The following ESRRG variants were observed in gnomAD, a reference collection of about 807,000 sequenced individuals.
ESRRG encodes the protein estrogen related receptor gamma.
ESRRG carries 13 observed loss-of-function variants against 44.0 expected under a neutral mutation model. That is an observed-to-expected ratio of 0.30 (90% CI 0.19 to 0.47). The LOEUF is 0.47. Among genes scored for constraint, ESRRG ranks in the 20% least tolerant of loss-of-function variants. The pLI is 1.00. For missense variants in ESRRG, 395 were observed against 580.6 expected (o/e 0.68, Z 3.29); for synonymous variants, 215 against 214.6 (o/e 1.00, Z -0.02).
At chr1:216,605,622 A>C (rs1361021257) in intron 3 of ESRRG, among the ~76,000 whole-genome samples, 1 of 152,190 alleles carries the variant, frequency 6.6e-6, no homozygotes, top group African/African-American at 2.4e-5. Flanking sequence ...ATTATACAAG[A>C]TTAAGGTAAT....
At chr1:217,071,443 G>A (rs1218970337) in intron 1 of ESRRG, among the ~76,000 whole-genome samples, 5 of 152,100 alleles carry the variant, frequency 3.3e-5, no homozygotes, top group African/African-American at 7.2e-5. Flanking sequence ...GTATAAGATA[G>A]GGGTAAAAAT....
At chr1:216,661,111 T>C (rs1196936002) in intron 2 of ESRRG, among the ~76,000 whole-genome samples, 1 of 152,196 alleles carries the variant, frequency 6.6e-6, no homozygotes, top group Non-Finnish European at 1.5e-5. Context: ...TCAATGTTTT[T>C]AGTTCTGATA....
chr1:217,114,119 C>T (rs547815143), intron 1 of ESRRG, among the ~76,000 whole-genome samples: 24 of 151,852 alleles, frequency 1.6e-4, no homozygotes, highest in Middle Eastern at 3.4e-3. Context: ...AAAGTAAAAA[C>T]TATTAAGATT....
chr1:216,538,061 C>G lies in ESRRG; in HGVS notation c.863-18640G>C. On this transcript the variant is annotated intron_variant, in intron 5 of 6. Transcript: ENST00000408911. ...CCAAACATATCTGAAATATTTTTCT[C>G]TAAGTATTTCTTTAATAACCTCAAA... is the stretch of plus-strand genomic sequence containing the variant. Among the ~76,000 whole-genome samples the G allele has an allele frequency of 2.0e-5, 3 of 152,106 alleles. No homozygotes were observed. In the Middle Eastern group the frequency reaches 0.01, roughly 517 times the overall value.
At chr1:217,041,324 T>C (rs2083823261) in intron 1 of ESRRG, among the ~76,000 whole-genome samples, 1 of 152,196 alleles carries the variant, frequency 6.6e-6, no homozygotes, top group Non-Finnish European at 1.5e-5. Context: ...ATTCTTCTGA[T>C]ACAAGACAGC....
intron 2 of ESRRG, among the ~76,000 whole-genome samples, chr1:216,821,058 T>C (rs1415333041): frequency 6.6e-6 from 1 of 152,164 alleles, no homozygotes; most frequent in Non-Finnish European, 1.5e-5. Flanking sequence ...TTCAGCTGCA[T>C]GTGTGTTAAT....
chr1:216,628,224 T>G (rs1384443946), intron 3 of ESRRG, among the ~76,000 whole-genome samples: 2 of 152,202 alleles, frequency 1.3e-5, no homozygotes, highest in African/African-American at 4.8e-5. Flanking sequence ...TTGAACCTGA[T>G]AGGATCCAAT....
intron 2 of ESRRG, among the ~76,000 whole-genome samples, chr1:216,794,287 A>G (rs990556773): frequency 3.3e-5 from 5 of 152,190 alleles, no homozygotes; most frequent in Non-Finnish European, 2.9e-5. Flanking sequence ...ACTCATTATG[A>G]GTTGGGGAAA....
At chr1:217,097,097 C>G (rs143864893) in intron 1 of ESRRG, among the ~76,000 whole-genome samples, 5 of 152,094 alleles carry the variant, frequency 3.3e-5, no homozygotes, top group African/African-American at 1.2e-4. Flanking sequence ...CACCTGTAGT[C>G]CCAGCTACTC....
intron 1 of ESRRG, among the ~76,000 whole-genome samples, chr1:216,689,145 C>T (rs1230146233): frequency 2.0e-5 from 3 of 152,088 alleles, no homozygotes; most frequent in African/African-American, 7.2e-5. Flanking sequence ...AAACTATGCT[C>T]AGTAAAGATT....
At chr1:217,043,731 T>C (rs566382440) in intron 1 of ESRRG, among the ~76,000 whole-genome samples, 1 of 152,092 alleles carries the variant, frequency 6.6e-6, no homozygotes, top group East Asian at 1.9e-4. Flanking sequence ...AAAAAAAGTG[T>C]TAATGTTCTT....
At chr1:217,120,178 G>C (rs1156526054) in intron 1 of ESRRG, among the ~76,000 whole-genome samples, 1 of 151,988 alleles carries the variant, frequency 6.6e-6, no homozygotes, top group Non-Finnish European at 1.5e-5. Flanking sequence ...TTTCTTCCAG[G>C]TTCCATGCCT....
chr1:216,597,082 T>G (rs2058547163), intron 3 of ESRRG, among the ~76,000 whole-genome samples: 1 of 152,176 alleles, frequency 6.6e-6, no homozygotes, highest in African/African-American at 2.4e-5. Context: ...AGAACCCACA[T>G]TTACCCACAT....
At chr1:216,528,792 A>G (rs1340613497) in intron 5 of ESRRG, among the ~76,000 whole-genome samples, 1 of 152,084 alleles carries the variant, frequency 6.6e-6, no homozygotes, top group Non-Finnish European at 1.5e-5. Context: ...AATCAAAAAC[A>G]GCAAGGAGGA....
chr1:216,691,224 A>G (rs2078995644), intron 1 of ESRRG, among the ~76,000 whole-genome samples: 1 of 152,198 alleles, frequency 6.6e-6, no homozygotes, highest in African/African-American at 2.4e-5. Context: ...TTTAGGAAGT[A>G]GAAATAAGAA....
intron 2 of ESRRG, among the ~76,000 whole-genome samples, chr1:216,779,106 A>AT (rs1435483695): frequency 3.9e-5 from 5 of 127,380 alleles, no homozygotes; most frequent in Non-Finnish European, 7.9e-5. Context: ...TAAACTATAT[A>AT]TATATATATA....
At chr1:216,636,082 C>T (rs1245245734) in intron 3 of ESRRG, among the ~76,000 whole-genome samples, 1 of 152,168 alleles carries the variant, frequency 6.6e-6, no homozygotes, top group Admixed American at 6.5e-5. Flanking sequence ...CACTATTTTA[C>T]AGACTAAGAA....
intron 1 of ESRRG, among the ~76,000 whole-genome samples, chr1:216,986,776 A>G (rs1443735733): frequency 1.3e-5 from 2 of 152,120 alleles, no homozygotes; most frequent in Non-Finnish European, 2.9e-5. Flanking sequence ...CTTGAAATGC[A>G]TAGACCTAGT....
intron 3 of ESRRG, among the ~76,000 whole-genome samples, chr1:216,633,440 T>C (rs1394839377): frequency 6.6e-6 from 1 of 152,232 alleles, no homozygotes; most frequent in Non-Finnish European, 1.5e-5. Flanking sequence ...TTATATGCAA[T>C]GTACACAATG....
Sources: gnomAD v4.1 joint callset for allele counts (sites outside exome capture counted in the v4.1 genomes callset) on GRCh38, gnomAD v4.1.1 for gene constraint, MANE v1.5 for transcripts, NCBI Gene and HGNC (gene_info 2026-07-23, HGNC 2026-07-21) for gene names.